The following NRG1 variants were observed in gnomAD, a reference collection of about 807,000 sequenced individuals.
NRG1 encodes pro-neuregulin-1, membrane-bound isoform.
Under a neutral mutation model 63.8 loss-of-function variants are expected in NRG1, and 18 were observed. The observed-to-expected ratio is 0.28, with a 90% CI of 0.19 to 0.42. The LOEUF is 0.42. Among genes scored for constraint, NRG1 ranks in the 10% least tolerant of loss-of-function variants. NRG1 has a pLI of 1.00. For synonymous variants in NRG1, 302 were observed against 301.3 expected (o/e 1.00, Z -0.02); for missense variants, 762 against 814.7 (o/e 0.94, Z 0.79).
At chr8:32,278,608 G>A (rs1852363218) in intron 1 of NRG1, among the ~76,000 whole-genome samples, 2 of 152,176 alleles carry the variant, frequency 1.3e-5, no homozygotes, top group African/African-American at 4.8e-5. Context: ...CATTAGATGA[G>A]ATCTACCCTT....
intron 5 of NRG1, chr8:32,647,466 T>C (rs376404587): frequency 3.0e-6 from 3 of 985,268 alleles, no homozygotes; most frequent in Non-Finnish European, 3.6e-6. Flanking sequence ...TGGAGTAGCA[T>C]TTAAAAGAAC....
chr8:32,768,808 G>A (rs558321735), downstream of NRG1, among the ~76,000 whole-genome samples: 15 of 152,258 alleles, frequency 9.9e-5, no homozygotes, highest in South Asian at 2.5e-3. Context: ...GGTGAACAGT[G>A]GCCTCCTTTG....
chr8:32,754,102 T>C (rs931646685), intron 7 of NRG1, among the ~76,000 whole-genome samples: 25 of 152,236 alleles, frequency 1.6e-4, no homozygotes, highest in Admixed American at 1.2e-3. Context: ...TACTATCAAC[T>C]ATATATATCT....
At chr8:31,823,431 G>A (rs570050123) in intron 1 of NRG1, among the ~76,000 whole-genome samples, 8 of 152,136 alleles carry the variant, frequency 5.3e-5, no homozygotes, top group African/African-American at 1.7e-4. Context: ...ATTCAGGCTG[G>A]CTGGAAGCCT....
chr8:31,856,898 G>A (rs1827938528), intron 1 of NRG1, among the ~76,000 whole-genome samples: 1 of 152,166 alleles, frequency 6.6e-6, no homozygotes, highest in Admixed American at 6.5e-5. Context: ...TGCCCCTGCT[G>A]GGGGATGCCT....
chr8:31,790,585 G>T (rs1056724887), intron 1 of NRG1, among the ~76,000 whole-genome samples: 12 of 152,156 alleles, frequency 7.9e-5, no homozygotes, highest in African/African-American at 2.9e-4. Flanking sequence ...GTTCAATAGA[G>T]AATTTTTAAA....
At chr8:32,026,345 C>G (rs1014574363) in intron 1 of NRG1, 25 of 152,158 alleles carry the variant, frequency 1.6e-4, no homozygotes, top group African/African-American at 5.8e-4. Flanking sequence ...CTGAATTCAT[C>G]TCTTTGGCTG....
intron 1 of NRG1, among the ~76,000 whole-genome samples, chr8:32,398,906 T>C (rs1387726750): frequency 7.9e-5 from 12 of 152,226 alleles, no homozygotes; most frequent in African/African-American, 2.9e-4. Context: ...TTATACAGTA[T>C]GTGATTTTGC....
intron 1 of NRG1, among the ~76,000 whole-genome samples, chr8:32,213,859 C>T (rs781042522): frequency 8.5e-5 from 13 of 152,064 alleles, no homozygotes; most frequent in Non-Finnish European, 1.3e-4. Flanking sequence ...AGCACTCAGA[C>T]GTGAGTAACT....
At chr8:31,670,222 T>C (rs1021748530) in intron 1 of NRG1, among the ~76,000 whole-genome samples, 1 of 152,190 alleles carries the variant, frequency 6.6e-6, no homozygotes. Flanking sequence ...AAAAACTTAC[T>C]AAAAGTCATC....
At chr8:32,572,607 G>A (rs1342078595) in intron 1 of NRG1, among the ~76,000 whole-genome samples, 1 of 152,086 alleles carries the variant, frequency 6.6e-6, no homozygotes, top group Non-Finnish European at 1.5e-5. Flanking sequence ...AGACCATAAT[G>A]CCATAACCTC....
rs538038561 is a variant in NRG1 at position 32,670,058 on chromosome 8, C to T, written c.502+53173C>T. ...TTTTATGTCATTAAATGTCCAAACA[C>T]CTGGAATTTTTACGTTTGATTTGTT... On this transcript the variant is annotated intron_variant, in intron 5 of 11. Coordinates refer to ENST00000356819, the Ensembl canonical transcript of NRG1. 4.6e-5 allele frequency among the ~76,000 whole-genome samples: 7 copies of T among 152,238 alleles called. No individual in the cohort carries two copies. The South Asian group carries it at 1.4e-3, about 32-fold the overall frequency.
chr8:32,639,774 C>A lies in NRG1; in HGVS notation c.502+22889C>A, dbSNP rs1233333281. ...CCAGTTTATAGAATTGGCTGACAAG[C>A]AACTGAACTTTAAAACAAATAGCTA... On this transcript the variant is annotated intron_variant, in intron 5 of 11. Coordinates refer to ENST00000356819, the Ensembl canonical transcript of NRG1. 2.6e-5 allele frequency among the ~76,000 whole-genome samples: 4 copies of A among 152,204 alleles called. No individual in the cohort carries two copies. In the East Asian group the frequency reaches 5.8e-4, roughly 22 times the overall value.
At chr8:32,755,205 C>T (rs772959425) in intron 8 of NRG1, among the ~76,000 whole-genome samples, 20 of 152,108 alleles carry the variant, frequency 1.3e-4, no homozygotes, top group East Asian at 1.2e-3. Context: ...AAGTTTGGTC[C>T]GTATTAACAA....
At chr8:32,727,691 G>A (rs999956130) in intron 5 of NRG1, among the ~76,000 whole-genome samples, 1 of 152,094 alleles carries the variant, frequency 6.6e-6, no homozygotes, top group Admixed American at 6.6e-5. Flanking sequence ...TAAAATATTG[G>A]TTAAAAAATG....
intron 5 of NRG1, among the ~76,000 whole-genome samples, chr8:32,635,295 T>C (rs1015212204): frequency 6.6e-6 from 1 of 152,240 alleles, no homozygotes; most frequent in African/African-American, 2.4e-5. Context: ...GGTAGCTAAG[T>C]AAATTAACAT....
intron 5 of NRG1, among the ~76,000 whole-genome samples, chr8:32,663,002 G>A (rs1803254780): frequency 6.6e-6 from 1 of 152,166 alleles, no homozygotes; most frequent in Non-Finnish European, 1.5e-5. Flanking sequence ...AAAAGTTGCA[G>A]TGAAATTGAG....
rs565232707 is a variant in NRG1 at position 32,032,758 on chromosome 8, T to A, written c.37+393327T>A. 5.8e-4 allele frequency among the ~76,000 whole-genome samples: 89 copies of A among 152,362 alleles called. 1 individual carries two copies. Among genetic ancestry groups the A allele is most frequent in the African/African-American group, 1.9e-3 (81 of 41,586 alleles). ...ACTCTAATGAAAATTTCTTTTGCTG[T>A]GCAGAAGCTCTTTAGTTTAATTAGA... On this transcript the variant is annotated intron_variant, in intron 1 of 10. Coordinates refer to the NRG1 transcript ENST00000519301.
intron 1 of NRG1, among the ~76,000 whole-genome samples, chr8:32,031,950 G>A (rs1184765389): frequency 6.6e-6 from 1 of 152,138 alleles, no homozygotes; most frequent in Non-Finnish European, 1.5e-5. Flanking sequence ...GTAATAAAAT[G>A]ATTTATATCT....
Sources: allele counts gnomAD v4.1 joint callset (sites outside exome capture counted in the v4.1 genomes callset), GRCh38; gene constraint gnomAD v4.1.1; transcripts MANE v1.5; gene names NCBI Gene and HGNC (gene_info 2026-07-23, HGNC 2026-07-21).